NLRP1: variants seen among roughly 807,000 people sequenced by gnomAD.
NLRP1 encodes the protein NACHT, LRR and PYD domains-containing protein 1.
NLRP1 carries 94 observed loss-of-function variants against 136.7 expected under a neutral mutation model. The ratio of observed to expected loss-of-function variants is 0.69; its 90% CI spans 0.58 to 0.82. The LOEUF (loss-of-function observed/expected upper bound fraction) is 0.82. Ranked by LOEUF, NLRP1 falls within the 40% of genes least tolerant of loss-of-function variation. The pLI, the probability that NLRP1 is intolerant of heterozygous loss-of-function variation, is 0.00. For synonymous variants in NLRP1, 690 were observed against 725.1 expected (o/e 0.95, Z 0.78); for missense variants, 1,575 against 1,802.7 (o/e 0.87, Z 2.29).
chr17:5,531,337 C>A (rs1254394997), intron 11 of NLRP1, among the ~76,000 whole-genome samples: 1 of 152,126 alleles, frequency 6.6e-6, no homozygotes, highest in Non-Finnish European at 1.5e-5. Context: ...CACCTCAGCT[C>A]CCTGAGTAGC....
downstream of NLRP1, among the ~76,000 whole-genome samples, chr17:5,513,645 T>C (rs1907776007): frequency 6.6e-6 from 1 of 152,170 alleles, no homozygotes; most frequent in Admixed American, 6.6e-5. Flanking sequence ...GTAGGGATGA[T>C]GGCCCCTGTT....
chr17:5,538,259 T>C (rs2151768369), intron 7 of NLRP1, among the ~76,000 whole-genome samples: 1 of 152,176 alleles, frequency 6.6e-6, no homozygotes, highest in East Asian at 1.9e-4. Context: ...GGCCCAGAGA[T>C]AGTGTGGGGG....
Position 5,582,821 on chromosome 17 carries a change from G to A in NLRP1, c.297C>T (p.Ser99=), listed in dbSNP as rs765564675. 6.2e-7 allele frequency: 1 copy of A among 1,612,724 alleles called. No individual in the cohort carries two copies. The highest frequency in any genetic ancestry group is 8.5e-7 in the Non-Finnish European group (1 of 1,179,190). ...GAGACCCCAGGTGGGGTTCACTTGGGCTGTAGGGGAATGAGGGAGAGTGGC... is the reference window on the plus strand; with the variant it reads ...GAGACCCCAGGTGGGGTTCACTTGGACTGTAGGGGAATGAGGGAGAGTGGC... ...GAGHSPSFPY[S]PSEPHLGSPS... The change falls in exon 2 of 17, where the codon AGC becomes AGT. Residue 99 remains serine, a synonymous_variant. Coordinates refer to ENST00000572272, the MANE Select transcript of NLRP1 (RefSeq NM_033004.4).
chr17:5,582,583 C>A, intron 2 of NLRP1, 87 bp downstream of exon 2: 1 of 1,278,296 alleles, frequency 7.8e-7, no homozygotes, highest in South Asian at 1.3e-5. Context: ...GTCAGGTCCC[C>A]ATGCACAGAC....
chr17:5,529,784 A>T (rs1163097719), intron 12 of NLRP1: 10 of 292,906 alleles, frequency 3.4e-5, no homozygotes, highest in African/African-American at 2.3e-4. Flanking sequence ...CATATTATAC[A>T]CACTTATTTT....
rs1169492155 is a variant in NLRP1 at position 5,559,648 on chromosome 17, C to T, written c.1048G>A (p.Ala350Thr). Residue 350 changes from alanine to threonine, a missense_variant, in exon 4 of 17, where the codon GCC becomes ACC. Coordinates refer to ENST00000572272, the MANE Select transcript of NLRP1 (RefSeq NM_033004.4). ...KSTLARQVKEAWGRGQLYGDR... is the reference protein window; with the variant it reads ...KSTLARQVKETWGRGQLYGDR... ...CCATACAGCTGGCCTCTCCCCCAGG[C>T]TTCCTTCACCTGCCTGGCCAGTGTT... 6.2e-7 allele frequency: 1 copy of T among 1,614,262 alleles called. No homozygotes were observed. Among genetic ancestry groups the T allele is most frequent in the South Asian group, 1.1e-5 (1 of 91,092 alleles).
At chr17:5,561,127 G>T (rs1914691591) in intron 3 of NLRP1, among the ~76,000 whole-genome samples, 1 of 152,164 alleles carries the variant, frequency 6.6e-6, no homozygotes, top group East Asian at 1.9e-4. Context: ...CACGATCTCG[G>T]CTCACCGCAA....
intron 3 of NLRP1, among the ~76,000 whole-genome samples, chr17:5,572,144 C>A (rs1156870385): frequency 3.3e-5 from 5 of 152,142 alleles, no homozygotes; most frequent in Admixed American, 1.3e-4. Context: ...ACTTTAAAAA[C>A]CCTTGAAGAA....
downstream of NLRP1, among the ~76,000 whole-genome samples, chr17:5,510,927 T>C (rs954073064): frequency 6.6e-6 from 1 of 152,202 alleles, no homozygotes; most frequent in Non-Finnish European, 1.5e-5. Context: ...TAAGATTTAC[T>C]GTCTGCCTAG....
chr17:5,527,002 C>T (rs554236287), intron 12 of NLRP1, among the ~76,000 whole-genome samples: 33 of 152,328 alleles, frequency 2.2e-4, no homozygotes, highest in South Asian at 4.1e-4. Context: ...GTGAGGTCAT[C>T]GTTTCCAGGG....
chr17:5,524,256 T>C (rs1310597967), intron 12 of NLRP1, among the ~76,000 whole-genome samples: 2 of 152,214 alleles, frequency 1.3e-5, no homozygotes, highest in Non-Finnish European at 2.9e-5. Context: ...CCTTTTCCTA[T>C]TTTTATTGTA....
In NLRP1 at chr17:5,583,590, C is replaced by T; in HGVS notation, c.271+97G>A. On this transcript the variant is annotated intron_variant, in intron 1 of 16. Coordinates refer to ENST00000572272, the MANE Select transcript of NLRP1 (RefSeq NM_033004.4). The surrounding 1 kb of genome is among the most constrained non-coding windows in gnomAD (Gnocchi z 4.5). ...TCCATGTCACTGCTCAGAGGAAGGCCTGGCAGGGAGGGCTCAGTGGTGGGG... is the reference window on the plus strand; with the variant it reads ...TCCATGTCACTGCTCAGAGGAAGGCTTGGCAGGGAGGGCTCAGTGGTGGGG... 1 of 1,275,640 alleles carries T rather than the reference C, an allele frequency of 7.8e-7. No individual in the cohort carries two copies. The highest frequency in any genetic ancestry group is 1.1e-6 in the Non-Finnish European group (1 of 933,190). 79.0% of individuals were successfully genotyped at this position (1,275,640 alleles called of 1,614,324 possible). A position where few individuals can be genotyped will look rare whatever the true frequency, so the allele number is the denominator to read the frequency against.
Position 5,515,523 on chromosome 17 carries a change from G to A in NLRP1, c.4058-6C>T, listed in dbSNP as rs201087633. ...AGTTGCAGGCATGAGATCTCCTGGA[G>A]GAAAACAGAGATGAAGATGCATCTG... is the stretch of plus-strand genomic sequence containing the variant. On this transcript the variant is annotated splice_polypyrimidine_tract_variant and splice_region_variant and intron_variant, in intron 15 of 16. Coordinates refer to ENST00000572272, the MANE Select transcript of NLRP1 (RefSeq NM_033004.4). The A allele has an allele frequency of 5.6e-6, 9 of 1,611,210 alleles. No individual in the cohort carries two copies. Among genetic ancestry groups the A allele is most frequent in the African/African-American group, 1.3e-5 (1 of 74,836 alleles).
intron 3 of NLRP1, among the ~76,000 whole-genome samples, chr17:5,562,204 G>A (rs1048816286): frequency 8.5e-5 from 13 of 152,220 alleles, no homozygotes; most frequent in Non-Finnish European, 1.3e-4. Flanking sequence ...CTGTTCCTCT[G>A]GGAAGCACCC....
At chr17:5,531,188 C>CTATCTATA in intron 11 of NLRP1, among the ~76,000 whole-genome samples, 1 of 137,234 alleles carries the variant, frequency 7.3e-6, no homozygotes, top group Non-Finnish European at 1.6e-5. Context: ...ATCTATCTAT[C>CTATCTATA]TATCTATCTA....
chr17:5,523,036 G>C (rs755492081), intron 12 of NLRP1, among the ~76,000 whole-genome samples: 1 of 152,162 alleles, frequency 6.6e-6, no homozygotes, highest in Non-Finnish European at 1.5e-5. Context: ...ACCAAGACTT[G>C]ACTAAGTGGT....
chr17:5,562,572 A>C (rs71368573), intron 3 of NLRP1, among the ~76,000 whole-genome samples: 10,055 of 152,318 alleles, frequency 0.066, 429 homozygotes, highest in African/African-American at 0.11. Flanking sequence ...CAACACACAC[A>C]GAACACTACT....
At chr17:5,510,347 C>T (rs567516903), downstream of NLRP1, among the ~76,000 whole-genome samples, 93 of 151,934 alleles carry the variant, frequency 6.1e-4, no homozygotes, top group African/African-American at 1.7e-3. Flanking sequence ...CCACGATGCC[C>T]GGCTAATTAA....
chr17:5,575,147 C>T (rs985036937), intron 3 of NLRP1, among the ~76,000 whole-genome samples: 3 of 152,112 alleles, frequency 2.0e-5, no homozygotes, highest in East Asian at 1.9e-4. Flanking sequence ...AAGGAACAAC[C>T]GGTATCAGCC....
Sources: allele counts gnomAD v4.1 joint callset (sites outside exome capture counted in the v4.1 genomes callset), GRCh38; gene constraint gnomAD v4.1.1; non-coding constraint Gnocchi (gnomAD v3.1); transcripts MANE v1.5; gene names NCBI Gene and HGNC (gene_info 2026-07-23, HGNC 2026-07-21).